Variants in TRHDE observed in about 807,000 individuals in gnomAD.
The protein encoded by TRHDE is thyrotropin-releasing hormone-degrading ectoenzyme.
Under a neutral mutation model 125.7 loss-of-function variants are expected in TRHDE, and 72 were observed. The observed-to-expected ratio is 0.57, with a 90% CI of 0.47 to 0.70. The LOEUF is 0.70. TRHDE is among the 30% of genes least tolerant of loss of function. The pLI is 0.00. For synonymous variants in TRHDE, 509 were observed against 509.1 expected (o/e 1.00, Z 0.00); for missense variants, 1,110 against 1,327.1 (o/e 0.84, Z 2.54).
chr12:72,486,421 A>T (rs1317964642), intron 5 of TRHDE, among the ~76,000 whole-genome samples: 5 of 152,218 alleles, frequency 3.3e-5, no homozygotes, highest in Admixed American at 2.6e-4. Flanking sequence ...CCCTCAGATA[A>T]GACTCCTACT....
chr12:72,319,507 T>TAAAAAAAAA (rs1196325496), intron 2 of TRHDE, among the ~76,000 whole-genome samples: 5 of 152,200 alleles, frequency 3.3e-5, no homozygotes, highest in African/African-American at 1.2e-4. Context: ...GAAAAAATGG[T>TAAAAAAAAA]ACATATGGAA....
At chr12:72,284,108 G>A (rs1240464588) in intron 1 of TRHDE, among the ~76,000 whole-genome samples, 1 of 151,990 alleles carries the variant, frequency 6.6e-6, no homozygotes, top group African/African-American at 2.4e-5. Context: ...ATGCTTATTG[G>A]AACGTTTTTT....
chr12:72,609,884 TG>T (rs11364038), intron 12 of TRHDE, among the ~76,000 whole-genome samples: 61,685 of 151,996 alleles, frequency 0.41, 14,503 homozygotes, highest in African/African-American at 0.65. Context: ...AAAATCCTGT[TG>T]GAATTTTTTA....
At chr12:72,536,082 A>G (rs12580321) in intron 6 of TRHDE, among the ~76,000 whole-genome samples, 8,666 of 152,236 alleles carry the variant, frequency 0.057, 346 homozygotes, top group Admixed American at 0.13. Flanking sequence ...GTGCTGGAGG[A>G]GAGCAAACCA....
At chr12:72,095,943 C>T (rs574077983) in intron 1 of TRHDE, among the ~76,000 whole-genome samples, 1 of 152,204 alleles carries the variant, frequency 6.6e-6, no homozygotes, top group Admixed American at 6.5e-5. Flanking sequence ...AGTTGAAGGG[C>T]TGAATAGAAC....
In TRHDE at chr12:72,666,052, T is replaced by C. The variant is rs1260848739; in HGVS notation, c.*2857T>C. ...CATAGGACTAAGATTTTTGTGATAGTATTATTTACAAATATTATAAGTATA... is the reference window on the plus strand; with the variant it reads ...CATAGGACTAAGATTTTTGTGATAGCATTATTTACAAATATTATAAGTATA... On this transcript the variant is annotated 3_prime_UTR_variant, in exon 19 of 19. Coordinates refer to ENST00000261180, the MANE Select transcript of TRHDE (RefSeq NM_013381.3). 2 of 151,998 alleles carry C rather than the reference T, an allele frequency of 1.3e-5. No individual in the cohort carries two copies. The highest frequency in any genetic ancestry group is 2.9e-5 in the Non-Finnish European group (2 of 67,992). The allele number at this position is 151,998 out of a possible 1,614,324, so 9.4% of individuals were successfully genotyped here.
At chr12:72,260,634 A>C (rs1002291329) in intron 2 of TRHDE, among the ~76,000 whole-genome samples, 7 of 152,178 alleles carry the variant, frequency 4.6e-5, no homozygotes, top group Non-Finnish European at 7.4e-5. Flanking sequence ...AAGGAGGCCA[A>C]GCTGAAGAGC....
chr12:72,120,661 T>C (rs1592448022), intron 2 of TRHDE, among the ~76,000 whole-genome samples: 1 of 148,608 alleles, frequency 6.7e-6, no homozygotes, highest in Non-Finnish European at 1.5e-5. Context: ...AACTTCATCC[T>C]CCTACTCTTT....
chr12:72,392,594 A>C (rs1441672528), intron 3 of TRHDE, among the ~76,000 whole-genome samples: 1 of 152,178 alleles, frequency 6.6e-6, no homozygotes, highest in African/African-American at 2.4e-5. Context: ...TCTCAGTTAC[A>C]ATTATGCCAC....
At chr12:72,282,350 T>G (rs1457513786) in intron 1 of TRHDE, among the ~76,000 whole-genome samples, 2 of 152,186 alleles carry the variant, frequency 1.3e-5, no homozygotes, top group African/African-American at 4.8e-5. Context: ...ACAAATTCAC[T>G]CCAAACTTGT....
chr12:72,308,033 T>G (rs1375527912), intron 2 of TRHDE, among the ~76,000 whole-genome samples: 1 of 152,180 alleles, frequency 6.6e-6, no homozygotes, highest in Non-Finnish European at 1.5e-5. Flanking sequence ...CACCAATAAA[T>G]GCCTGAAAGC....
intron 3 of TRHDE, among the ~76,000 whole-genome samples, chr12:72,410,103 A>G (rs1056904605): frequency 7.2e-5 from 11 of 152,088 alleles, no homozygotes; most frequent in Non-Finnish European, 1.5e-4. Context: ...TACCATACAT[A>G]TTAAAAATAA....
intron 2 of TRHDE, among the ~76,000 whole-genome samples, chr12:72,159,868 T>C (rs527890556): frequency 6.6e-6 from 1 of 152,262 alleles, no homozygotes; most frequent in South Asian, 2.1e-4. Flanking sequence ...CTAATTTCTT[T>C]CCTTTCCTTT....
At chr12:72,424,740 G>T (rs1255561512) in intron 3 of TRHDE, among the ~76,000 whole-genome samples, 1 of 151,982 alleles carries the variant, frequency 6.6e-6, no homozygotes, top group African/African-American at 2.4e-5. Flanking sequence ...TTGTTGTTTT[G>T]TTATGTTTTC....
rs112242100 is a variant in TRHDE at position 72,186,530 on chromosome 12, A to G, written n.279+80778A>G. 367 of 169,698 alleles carry G rather than the reference A, an allele frequency of 2.2e-3. 3 individuals carry two copies. Among genetic ancestry groups the G allele is most frequent in the African/African-American group, 8.1e-3 (339 of 41,806 alleles). The allele number at this position is 169,698 out of a possible 1,614,324, so 10.5% of individuals were successfully genotyped here. On this transcript the variant is annotated intron_variant and non_coding_transcript_variant, in intron 2 of 4. Coordinates refer to the TRHDE transcript ENST00000548156. Reference sequence around the variant, plus strand: ...CCAGACGCGCCACCTTAAGAGCTGTATAACACTCACCGCGAGGGTCCGCGG... The same window carrying G: ...CCAGACGCGCCACCTTAAGAGCTGTGTAACACTCACCGCGAGGGTCCGCGG...
Position 72,510,254 on chromosome 12 carries a change from A to G in TRHDE, c.1722+10619A>G, listed in dbSNP as rs977442632. Among the ~76,000 whole-genome samples the G allele has an allele frequency of 1.7e-4, 26 of 152,222 alleles. 1 individual carries two copies. Among genetic ancestry groups the G allele is most frequent in the Admixed American group, 6.5e-5 (1 of 15,286 alleles). On this transcript the variant is annotated intron_variant, in intron 6 of 18. Transcript: ENST00000261180. ...ATATATACTAACAAATGAATATAAT[A>G]GATCACTATTTTGTGATACTCTTTA...
intron 15 of TRHDE, among the ~76,000 whole-genome samples, chr12:72,638,601 G>C (rs1873877337): frequency 2.0e-5 from 3 of 151,984 alleles, no homozygotes; most frequent in Non-Finnish European, 4.4e-5. Flanking sequence ...TCCTAGTCTC[G>C]ATGGTCTTTA....
intron 9 of TRHDE, among the ~76,000 whole-genome samples, chr12:72,563,571 T>G (rs1242303061): frequency 2.0e-5 from 3 of 152,212 alleles, no homozygotes; most frequent in African/African-American, 7.2e-5. Flanking sequence ...TTAAAATCAA[T>G]AAACAGACAG....
chr12:72,156,395 C>T (rs564787933), intron 2 of TRHDE, among the ~76,000 whole-genome samples: 3 of 152,172 alleles, frequency 2.0e-5, no homozygotes, highest in Non-Finnish European at 1.5e-5. Context: ...GCACTGCACC[C>T]ACTGTCCTAC....
Sources: gnomAD v4.1 joint callset for allele counts (sites outside exome capture counted in the v4.1 genomes callset) on GRCh38, gnomAD v4.1.1 for gene constraint, MANE v1.5 for transcripts, NCBI Gene and HGNC (gene_info 2026-07-23, HGNC 2026-07-21) for gene names.